Variants in PREPL observed in about 807,000 individuals in gnomAD.
PREPL encodes the protein prolyl endopeptidase like.
Under a neutral mutation model 70.6 loss-of-function variants are expected in PREPL, and 77 were observed. That is an observed-to-expected ratio of 1.09 (90% CI 0.91 to 1.32). The LOEUF (loss-of-function observed/expected upper bound fraction) is 1.32, where lower values mean the gene tolerates loss of function less well. PREPL is among the 40% of genes most tolerant of loss of function. The pLI is 0.00. For missense variants in PREPL, 1,002 were observed against 778.2 expected, an observed-to-expected ratio of 1.29 and a Z score of -3.42; for synonymous variants, 315 against 264.8, an observed-to-expected ratio of 1.19 and a Z score of -1.84.
intron 7 of PREPL, among the ~76,000 whole-genome samples, chr2:44,337,181 G>C (rs949186398): frequency 6.6e-6 from 1 of 152,146 alleles, no homozygotes; most frequent in Non-Finnish European, 1.5e-5. Flanking sequence ...AGAGCATACA[G>C]CTTCATTTGA....
At chr2:44,329,869 C>G (rs1462787767) in intron 8 of PREPL, among the ~76,000 whole-genome samples, 1 of 152,150 alleles carries the variant, frequency 6.6e-6, no homozygotes, top group Non-Finnish European at 1.5e-5. Context: ...CTACCTTTCA[C>G]ACAAAAAAGA....
Position 44,326,842 on chromosome 2 carries a change from A to T in PREPL, c.1349T>A (p.Ile450Asn). ...LNGLADLEAC[I>N]KTLHGQGFSQ... ...AAAGCCTTGGCCATGAAGCGTCTTAATGCAAGCCTCTAAATCAGCAAGGCC... is the reference window on the plus strand; with the variant it reads ...AAAGCCTTGGCCATGAAGCGTCTTATTGCAAGCCTCTAAATCAGCAAGGCC... Residue 450 changes from isoleucine (I) to asparagine (N), a missense_variant, in exon 10 of 14, where the codon ATT becomes AAT. Ile to Asn is a moderately radical substitution (Grantham distance 149). Transcript: ENST00000409411. 6.2e-7 allele frequency: 1 copy of T among 1,614,176 alleles called. No homozygotes were observed. The highest frequency in any genetic ancestry group is 8.5e-7 in the Non-Finnish European group (1 of 1,180,016).
At chr2:44,335,506 G>T (rs577607317) in intron 7 of PREPL, among the ~76,000 whole-genome samples, 29 of 152,166 alleles carry the variant, frequency 1.9e-4, no homozygotes, top group Non-Finnish European at 3.5e-4. Context: ...GCCATAGGCA[G>T]AAGATTGAAA....
chr2:44,322,582 T>G, intron 12 of PREPL, 149 bp downstream of exon 12: 1 of 1,040,116 alleles, frequency 9.6e-7, no homozygotes, highest in South Asian at 1.7e-5. Flanking sequence ...TACGTACACT[T>G]TAACTGGGGA....
In PREPL at chr2:44,320,114, A is replaced by G. The variant is rs1672797020; in HGVS notation, c.*1242T>C. On this transcript the variant is annotated 3_prime_UTR_variant, in exon 14 of 14. Transcript: ENST00000409411. ...CAAAATTGGAGCAAGTGTTTTGGGT[A>G]AATAACTCCTTACAATATATTAAAA... is the stretch of plus-strand genomic sequence containing the variant. The G allele has an allele frequency of 2.2e-5, 27 of 1,237,190 alleles. No individual in the cohort carries two copies. In the South Asian group the frequency reaches 3.7e-4, roughly 17 times the overall value. The allele number at this position is 1,237,190 out of a possible 1,614,324, so 76.6% of individuals were successfully genotyped here.
At chr2:44,358,056 A>G (rs763716887) in intron 1 of PREPL, among the ~76,000 whole-genome samples, 4 of 152,198 alleles carry the variant, frequency 2.6e-5, no homozygotes, top group Non-Finnish European at 5.9e-5. Context: ...CTAAATAGGT[A>G]TCAGCTAAGA....
chr2:44,349,541 G>C (rs1427510469), intron 1 of PREPL, among the ~76,000 whole-genome samples: 2 of 152,090 alleles, frequency 1.3e-5, no homozygotes, highest in African/African-American at 4.8e-5. Flanking sequence ...TAAGTCTTAA[G>C]GAAGTAGAAG....
At chr2:44,321,568 C>A in intron 13 of PREPL, 123 bp from the exon 14 acceptor site, 2 of 1,500,292 alleles carry the variant, frequency 1.3e-6, no homozygotes, top group South Asian at 1.3e-5. Context: ...GGCAAGAATA[C>A]TTTCATTCGA....
chr2:44,321,981 CTTT>C lies in PREPL; in HGVS notation c.1754-84_1754-82del, dbSNP rs898035840. 5.8e-6 allele frequency: 8 copies of C among 1,367,886 alleles called. No individual in the cohort carries two copies. The African/African-American group carries it at 7.3e-5, about 12-fold the overall frequency. The allele number at this position is 1,367,886 out of a possible 1,614,324, so 84.7% of individuals were successfully genotyped here. On this transcript the variant is annotated intron_variant, in intron 12 of 13. Transcript: ENST00000409411. ...GATCGAGACCCATTCCTCCCCTCTT[CTTT>C]GAGTACTCAGTTCAAATAATAGTAA...
intron 8 of PREPL, among the ~76,000 whole-genome samples, chr2:44,330,242 G>C (rs564491295): frequency 1.3e-5 from 2 of 151,330 alleles, no homozygotes; most frequent in South Asian, 4.2e-4. Context: ...TTGAAAGGAA[G>C]AGGTAAAACA....
intron 12 of PREPL, 92 bp from the exon 13 acceptor site, chr2:44,321,992 C>CAAAGA: frequency 7.7e-7 from 1 of 1,299,028 alleles, no homozygotes; most frequent in Non-Finnish European, 1.1e-6. Flanking sequence ...TTTGAGTACT[C>CAAAGA]AGTTCAAATA....
chr2:44,338,136 A>G (rs1409799791), intron 7 of PREPL, among the ~76,000 whole-genome samples: 1 of 152,220 alleles, frequency 6.6e-6, no homozygotes, highest in East Asian at 1.9e-4. Flanking sequence ...GCCATAAGAC[A>G]CTATCTTAAG....
At chr2:44,339,028 A>T in intron 6 of PREPL, 119 bp downstream of exon 6, 1 of 1,460,188 alleles carries the variant, frequency 6.8e-7, no homozygotes, top group Non-Finnish European at 9.1e-7. Flanking sequence ...GGGATTGGTT[A>T]TACATAGGAA....
chr2:44,344,663 T>A, intron 2 of PREPL, 77 bp from the exon 3 acceptor site: 1 of 1,102,320 alleles, frequency 9.1e-7, no homozygotes, highest in East Asian at 2.6e-5. Flanking sequence ...AAGATGAAGA[T>A]GAAATGAAGA....
chr2:44,360,290 A>C (rs894178012), intron 1 of PREPL: 1 of 152,200 alleles, frequency 6.6e-6, no homozygotes, highest in African/African-American at 2.4e-5. Context: ...TTGTTTGTCT[A>C]ATTTAAATTT....
intron 9 of PREPL, among the ~76,000 whole-genome samples, chr2:44,327,488 C>T (rs1489773139): frequency 6.6e-6 from 1 of 152,010 alleles, no homozygotes; most frequent in Non-Finnish European, 1.5e-5. Context: ...TTCCAGAGGG[C>T]AAAGAAAAGG....
chr2:44,350,343 C>A, intron 1 of PREPL, among the ~76,000 whole-genome samples: 1 of 151,826 alleles, frequency 6.6e-6, no homozygotes, highest in East Asian at 1.9e-4. Context: ...GGAGATAAAT[C>A]TTAGAGCCAT....
chr2:44,336,588 T>A (rs369925230), intron 7 of PREPL, among the ~76,000 whole-genome samples: 2 of 152,082 alleles, frequency 1.3e-5, no homozygotes, highest in Middle Eastern at 3.2e-3. Flanking sequence ...ACTATACTTA[T>A]TACCTGGGTG....
At position 44,339,764 on chromosome 2, in the gene PREPL, T is replaced by C. The variant is rs1298179364; in HGVS notation, c.486-401A>G. Among the ~76,000 whole-genome samples the C allele has an allele frequency of 2.7e-5, 4 of 150,842 alleles. No individual in the cohort carries two copies. The East Asian group carries it at 5.8e-4, about 22-fold the overall frequency. On this transcript the variant is annotated intron_variant, in intron 5 of 13. Coordinates refer to ENST00000409411, the MANE Select transcript of PREPL (RefSeq NM_001171613.2). ...TTCTCAATCACATGAGTAGATAACA[T>C]AGCTTTTTGCTGAGAAGAGGAAATA... is the stretch of plus-strand genomic sequence containing the variant.
Sources: allele counts gnomAD v4.1 joint callset (sites outside exome capture counted in the v4.1 genomes callset), GRCh38; gene constraint gnomAD v4.1.1; transcripts MANE v1.5; gene names NCBI Gene and HGNC (gene_info 2026-07-23, HGNC 2026-07-21).